CBFA2T3: variants seen among roughly 807,000 people sequenced by gnomAD.
The protein encoded by CBFA2T3 is transcriptional corepressor CBFA2T3.
In CBFA2T3, 31 loss-of-function variants were observed where a neutral mutation model predicts 58.6. The ratio of observed to expected loss-of-function variants is 0.53; its 90% confidence interval spans 0.40 to 0.71. The LOEUF (loss-of-function observed/expected upper bound fraction) is 0.71, where lower values mean the gene tolerates loss of function less well. Among genes scored for constraint, CBFA2T3 ranks in the 30% least tolerant of loss-of-function variants. The pLI is 0.00. For synonymous variants in CBFA2T3, 531 were observed against 421.9 expected, an observed-to-expected ratio of 1.26 and a Z score of -3.17; for missense variants, 1,076 against 963.1, an observed-to-expected ratio of 1.12 and a Z score of -1.55.
chr16:88,916,497 G>T (rs978311409), intron 1 of CBFA2T3, among the ~76,000 whole-genome samples: 2 of 152,130 alleles, frequency 1.3e-5, no homozygotes, highest in Non-Finnish European at 2.9e-5. Flanking sequence ...TGTATTCGTG[G>T]GGTGGGTGTT....
intron 2 of CBFA2T3, among the ~76,000 whole-genome samples, chr16:88,899,441 T>C (rs1040512586): frequency 2.6e-5 from 4 of 152,154 alleles, no homozygotes; most frequent in Non-Finnish European, 5.9e-5. Context: ...CACCTGCTTA[T>C]CTCTTTCATA....
rs771905396 is a variant in CBFA2T3 at position 88,881,504 on chromosome 16, C to T, written c.1204-15G>A. 21 of 1,595,212 alleles carry T rather than the reference C, an allele frequency of 1.3e-5. No homozygotes were observed. Among genetic ancestry groups the T allele is most frequent in the East Asian group, 6.8e-5 (3 of 44,408 alleles). On this transcript the variant is annotated splice_polypyrimidine_tract_variant and intron_variant, in intron 8 of 11. Transcript: ENST00000268679. ...CAGTTCAGGAGCTGGGGGCGGGCGGCGCAGCCTTCAGCACCTCAGAGGGAC... is the reference window on the plus strand; with the variant it reads ...CAGTTCAGGAGCTGGGGGCGGGCGGTGCAGCCTTCAGCACCTCAGAGGGAC...
At chr16:88,880,992 G>A in intron 9 of CBFA2T3, 2 of 674,234 alleles carry the variant, frequency 3.0e-6, no homozygotes, top group East Asian at 2.7e-5. Flanking sequence ...GTGGACCTTG[G>A]ACTCGGCTGG....
chr16:88,888,007 G>A (rs1436776040), intron 5 of CBFA2T3, among the ~76,000 whole-genome samples: 3 of 152,186 alleles, frequency 2.0e-5, no homozygotes, highest in African/African-American at 4.8e-5. Flanking sequence ...GCCTTGGGCT[G>A]GTCATTTAAC....
intron 5 of CBFA2T3, among the ~76,000 whole-genome samples, chr16:88,887,314 G>A (rs1430979484): frequency 6.6e-6 from 1 of 152,120 alleles, no homozygotes; most frequent in African/African-American, 2.4e-5. Context: ...GCTGGGAAAC[G>A]AGGTCCCGGG....
At chr16:88,963,680 C>T (rs1172594052) in intron 1 of CBFA2T3, among the ~76,000 whole-genome samples, 1 of 152,250 alleles carries the variant, frequency 6.6e-6, no homozygotes, top group Non-Finnish European at 1.5e-5. Flanking sequence ...AGAGCTGAAG[C>T]ACCGCGCTGC....
At chr16:88,923,310 G>A (rs988342333) in intron 1 of CBFA2T3, among the ~76,000 whole-genome samples, 1 of 152,162 alleles carries the variant, frequency 6.6e-6, no homozygotes, top group African/African-American at 2.4e-5. Context: ...GTGAGGATTC[G>A]GCGCTTCTGC....
intron 5 of CBFA2T3, chr16:88,886,360 C>T (rs576324907): frequency 1.3e-4 from 53 of 413,928 alleles, no homozygotes; most frequent in Non-Finnish European, 2.0e-4. Context: ...AGGAGTGCCT[C>T]ACCTGGGCCA....
rs1720534270 is a variant in CBFA2T3 at position 88,885,698 on chromosome 16, AG to A, written c.893+262del. The A allele has an allele frequency of 2.0e-6, 1 of 494,728 alleles. No individual in the cohort carries two copies. The highest frequency in any genetic ancestry group is 2.5e-5 in the South Asian group (1 of 39,450). 30.6% of individuals were successfully genotyped at this position (494,728 alleles called of 1,614,324 possible). ...CGCTCGGAGTCCATGCCCGGCACACAGGGGAGAGCCGTCCTCCCACCAGCCT... is the reference window on the plus strand; with the variant it reads ...CGCTCGGAGTCCATGCCCGGCACACAGGGAGAGCCGTCCTCCCACCAGCCT... On this transcript the variant is annotated intron_variant, in intron 6 of 11. Coordinates refer to ENST00000268679, the MANE Select transcript of CBFA2T3 (RefSeq NM_005187.6). This position sits in a 1 kb window ranked among gnomAD's most constrained non-coding sequence, Gnocchi z 5.3.
At chr16:88,900,182 C>A (rs76434537) in intron 2 of CBFA2T3, among the ~76,000 whole-genome samples, 5 of 152,250 alleles carry the variant, frequency 3.3e-5, no homozygotes, top group African/African-American at 1.2e-4. Context: ...CAGGGAGTAG[C>A]CGTTAGGCTG....
At chr16:88,920,437 C>A (rs569040886) in intron 1 of CBFA2T3, among the ~76,000 whole-genome samples, 1 of 146,522 alleles carries the variant, frequency 6.8e-6, no homozygotes, top group African/African-American at 2.5e-5. Flanking sequence ...CCACCATACC[C>A]GGCCAATTTT....
At chr16:88,933,214 G>C (rs1567617824) in intron 1 of CBFA2T3, among the ~76,000 whole-genome samples, 1 of 152,244 alleles carries the variant, frequency 6.6e-6, no homozygotes, top group Admixed American at 6.5e-5. Flanking sequence ...CAACTCCTGG[G>C]GGCTGTTTTG....
intron 1 of CBFA2T3, among the ~76,000 whole-genome samples, chr16:88,914,583 T>G (rs1259608405): frequency 6.6e-6 from 1 of 152,200 alleles, no homozygotes. Context: ...AGTCTTGCCA[T>G]GTTTTTAAAG....
At chr16:88,916,206 A>G (rs577443100) in intron 1 of CBFA2T3, among the ~76,000 whole-genome samples, 72 of 147,696 alleles carry the variant, frequency 4.9e-4, no homozygotes, top group African/African-American at 1.7e-3. Context: ...GTCCGTGTAC[A>G]TGCACTTACA....
chr16:88,898,529 C>T (rs1325849953), intron 2 of CBFA2T3, among the ~76,000 whole-genome samples: 2 of 152,218 alleles, frequency 1.3e-5, no homozygotes, highest in African/African-American at 2.4e-5. Context: ...CCGGAGTTTA[C>T]AAGAACCGCG....
In CBFA2T3 at chr16:88,875,026, T is replaced by C. The variant is rs1228943168; in HGVS notation, c.*1950A>G. The C allele has an allele frequency of 1.3e-5, 3 of 234,596 alleles. No individual in the cohort carries two copies. The highest frequency in any genetic ancestry group is 1.1e-4 in the Admixed American group (2 of 17,762). The allele number at this position is 234,596 out of a possible 1,614,324, so 14.5% of individuals were successfully genotyped here. ...TAGCTGGGTCACTCCCGTATTGCAC[T>C]GAGTTCCTAGAACTCCTGATAGCCA... On this transcript the variant is annotated 3_prime_UTR_variant, in exon 12 of 12. Coordinates refer to ENST00000268679, the MANE Select transcript of CBFA2T3 (RefSeq NM_005187.6).
At chr16:88,887,317 G>C (rs963678574) in intron 5 of CBFA2T3, among the ~76,000 whole-genome samples, 2 of 152,140 alleles carry the variant, frequency 1.3e-5, no homozygotes, top group Admixed American at 6.5e-5. Flanking sequence ...GGGAAACGAG[G>C]TCCCGGGAGG....
intron 1 of CBFA2T3, among the ~76,000 whole-genome samples, chr16:88,944,006 G>T (rs1327172773): frequency 2.0e-5 from 3 of 152,122 alleles, no homozygotes; most frequent in African/African-American, 7.2e-5. Flanking sequence ...CTCCCAGTGT[G>T]TCGCTGTCTG....
chr16:88,892,210 G>A (rs776512605), intron 4 of CBFA2T3, 34 bp downstream of exon 4: 10 of 1,591,020 alleles, frequency 6.3e-6, no homozygotes, highest in Middle Eastern at 2.3e-4. Flanking sequence ...GAATATGCAT[G>A]TCCCAAGGCC....
Sources: gnomAD v4.1 joint callset for allele counts (sites outside exome capture counted in the v4.1 genomes callset) on GRCh38, gnomAD v4.1.1 for gene constraint, Gnocchi (gnomAD v3.1) non-coding constraint, MANE v1.5 for transcripts, NCBI Gene and HGNC (gene_info 2026-07-23, HGNC 2026-07-21) for gene names.